The following HELLS variants were observed in gnomAD, a reference collection of about 807,000 sequenced individuals.
The protein encoded by HELLS is lymphoid-specific helicase.
Under a neutral mutation model 120.0 loss-of-function variants are expected in HELLS, and 32 were observed. The ratio of observed to expected loss-of-function variants is 0.27; its 90% CI spans 0.20 to 0.36. The LOEUF (loss-of-function observed/expected upper bound fraction) is 0.36, where lower values mean the gene tolerates loss of function less well. HELLS is among the 10% of genes least tolerant of loss of function. The pLI is 1.00. For synonymous variants in HELLS, 341 were observed against 323.4 expected, an observed-to-expected ratio of 1.05 and a Z score of -0.58; for missense variants, 650 against 993.4, an observed-to-expected ratio of 0.65 and a Z score of 4.65.
chr10:94,574,469 A>AT (rs1398468954), intron 8 of HELLS, 85 bp from the exon 9 acceptor site: 9 of 1,069,954 alleles, frequency 8.4e-6, no homozygotes, highest in Admixed American at 8.2e-5. Flanking sequence ...TTTGGGTGTG[A>AT]TTTTTTAAAG....
At chr10:94,596,763 C>T (rs1013698755) in intron 19 of HELLS, 97 bp from the exon 20 acceptor site, 27 of 627,004 alleles carry the variant, frequency 4.3e-5, no homozygotes, top group East Asian at 3.2e-4. Context: ...TTTTTTTTGC[C>T]GTCCTTCTTA....
intron 2 of HELLS, chr10:94,551,051 C>T (rs957804888): frequency 2.6e-5 from 4 of 152,056 alleles, no homozygotes; most frequent in African/African-American, 9.7e-5. Context: ...TCATATTCAC[C>T]TCAGTAGTTG....
At chr10:94,586,227 TCTC>T (rs376371712) in intron 12 of HELLS, among the ~76,000 whole-genome samples, 2 of 151,908 alleles carry the variant, frequency 1.3e-5, no homozygotes, top group South Asian at 4.2e-4. Flanking sequence ...TTCACGCTAT[TCTC>T]CTGCCTCAGC....
rs1845664867 is a variant in HELLS at position 94,594,844 on chromosome 10, C to T, written c.2238C>T (p.Ile746=). 6.2e-7 allele frequency: 1 copy of T among 1,610,224 alleles called. No individual in the cohort carries two copies. Among genetic ancestry groups the T allele is most frequent in the Non-Finnish European group, 8.5e-7 (1 of 1,177,252 alleles). ...AAAKRKLEKL[I]IHKNHFKGGQ... ...CTAAAAGGAAACTGGAAAAGTTGAT[C>T]ATCCATAAAAGTAAATAACACTTAT... is the stretch of plus-strand genomic sequence containing the variant. Residue 746 remains isoleucine (I), a synonymous_variant, in exon 19 of 22, where the codon ATC becomes ATT. Transcript: ENST00000348459.
At chr10:94,590,895 G>A in intron 15 of HELLS, 119 bp downstream of exon 15, 1 of 554,428 alleles carries the variant, frequency 1.8e-6, no homozygotes, top group East Asian at 3.4e-5. Flanking sequence ...TTGTCATGAA[G>A]ATTGTAATCC....
At chr10:94,608,642 T>C (rs1273281029) in intron 9 of HELLS, among the ~76,000 whole-genome samples, 3 of 151,744 alleles carry the variant, frequency 2.0e-5, no homozygotes, top group Non-Finnish European at 4.4e-5. Flanking sequence ...TTTAGTTTTT[T>C]TTTTTCTTTT....
At chr10:94,592,019 CTTTGTT>C (rs1178430937) in intron 15 of HELLS, among the ~76,000 whole-genome samples, 1 of 152,014 alleles carries the variant, frequency 6.6e-6, no homozygotes, top group Non-Finnish European at 1.5e-5. Flanking sequence ...TATATTTGTA[CTTTGTT>C]TTTGTGAAAT....
intron 15 of HELLS, among the ~76,000 whole-genome samples, chr10:94,591,807 T>C (rs1845502901): frequency 6.6e-6 from 1 of 152,358 alleles, no homozygotes; most frequent in Admixed American, 6.5e-5. Context: ...AAAAAGTCTT[T>C]GTCCACAATA....
At chr10:94,591,335 A>G (rs1265763825) in intron 15 of HELLS, among the ~76,000 whole-genome samples, 3 of 152,234 alleles carry the variant, frequency 2.0e-5, no homozygotes, top group African/African-American at 4.8e-5. Flanking sequence ...AGGTAGCCAT[A>G]GAATAAAACC....
chr10:94,608,004 C>A, exon 9 of HELLS: 1 of 346,728 alleles, frequency 2.9e-6, no homozygotes, highest in South Asian at 2.2e-5. Context: ...GGATTACAAG[C>A]GTGAGCCACT....
intron 6 of HELLS, among the ~76,000 whole-genome samples, chr10:94,564,337 A>C (rs1843689579): frequency 6.6e-6 from 1 of 152,184 alleles, no homozygotes; most frequent in East Asian, 1.9e-4. Flanking sequence ...TAAGTATTTC[A>C]GGGAAAAAGA....
intron 17 of HELLS, among the ~76,000 whole-genome samples, chr10:94,592,983 A>C (rs969700299): frequency 3.3e-5 from 5 of 152,204 alleles, no homozygotes; most frequent in Admixed American, 1.3e-4. Context: ...ATTTAAAAAT[A>C]AAATATAGAT....
chr10:94,595,161 G>T (rs1219239190), intron 19 of HELLS, among the ~76,000 whole-genome samples: 3 of 152,064 alleles, frequency 2.0e-5, no homozygotes, highest in Non-Finnish European at 4.4e-5. Flanking sequence ...CCGGGAGGAG[G>T]AGGTTGCAGT....
intron 19 of HELLS, 33 bp downstream of exon 19, chr10:94,594,887 A>G: frequency 6.7e-7 from 1 of 1,487,484 alleles, no homozygotes. Context: ...TTTATTGTTT[A>G]AATTGTGCAT....
At chr10:94,562,553 GTAAGTATAA>G in intron 4 of HELLS, 129 bp from the exon 5 acceptor site, 1 of 558,840 alleles carries the variant, frequency 1.8e-6, no homozygotes, top group East Asian at 2.8e-5. Context: ...TTACATGTAG[GTAAGTATAA>G]TAGTGAAAAA....
chr10:94,595,724 A>G (rs1350908917), intron 19 of HELLS, among the ~76,000 whole-genome samples: 1 of 152,218 alleles, frequency 6.6e-6, no homozygotes, highest in Non-Finnish European at 1.5e-5. Flanking sequence ...TCCATTCACC[A>G]TAAAATTTTC....
At chr10:94,572,664 C>A (rs1000212542) in intron 7 of HELLS, among the ~76,000 whole-genome samples, 2 of 152,154 alleles carry the variant, frequency 1.3e-5, no homozygotes, top group African/African-American at 4.8e-5. Context: ...CATGTGTAGA[C>A]ATGTTTTCAT....
rs149762466 is a variant in HELLS at position 94,586,694 on chromosome 10, G to T, written c.1327-1535G>T. Among the ~76,000 whole-genome samples the T allele has an allele frequency of 2.8e-3, 423 of 152,048 alleles. 2 individuals are homozygous for T. The highest frequency in any genetic ancestry group is 9.8e-3 in the African/African-American group (408 of 41,446). ...AATTATTTGTTTATTATTATTAGTAGTAGTAGTAGTATTTTTTTTGAGTCA... is the reference window on the plus strand; with the variant it reads ...AATTATTTGTTTATTATTATTAGTATTAGTAGTAGTATTTTTTTTGAGTCA... On this transcript the variant is annotated intron_variant, in intron 12 of 21. Coordinates refer to ENST00000348459, the MANE Select transcript of HELLS (RefSeq NM_018063.5).
intron 2 of HELLS, among the ~76,000 whole-genome samples, chr10:94,549,566 T>C (rs139029685): frequency 2.6e-5 from 4 of 152,226 alleles, no homozygotes; most frequent in Admixed American, 1.3e-4. Context: ...GATCATGATA[T>C]GTGTAGGCTA....
Sources: gnomAD v4.1 joint callset for allele counts (sites outside exome capture counted in the v4.1 genomes callset) on GRCh38, gnomAD v4.1.1 for gene constraint, MANE v1.5 for transcripts, NCBI Gene and HGNC (gene_info 2026-07-23, HGNC 2026-07-21) for gene names.